Variants in NRXN2 observed in about 807,000 individuals in gnomAD.
The protein encoded by NRXN2 is neurexin-2-beta.
In NRXN2, 29 loss-of-function variants were observed where a neutral mutation model predicts 128.8. That is an observed-to-expected ratio of 0.23 (90% CI 0.17 to 0.31). NRXN2 has a LOEUF of 0.31. Among genes scored for constraint, NRXN2 ranks in the 10% least tolerant of loss-of-function variants. The pLI is 1.00. For missense variants in NRXN2, 1,881 were observed against 2,452.6 expected (o/e 0.77, Z 4.92); for synonymous variants, 1,098 against 1,075.2 (o/e 1.02, Z -0.41).
rs181595619 is a variant in NRXN2, at chr11:64,618,212, T to C, written c.4252+2082A>G. Among the ~76,000 whole-genome samples, 333 of 152,304 alleles carry C rather than the reference T, an allele frequency of 2.2e-3. 1 individual carries two copies. Among genetic ancestry groups the C allele is most frequent in the African/African-American group, 7.8e-3 (323 of 41,572 alleles). On this transcript the variant is annotated intron_variant, in intron 22 of 22. Coordinates refer to ENST00000265459, the MANE Select transcript of NRXN2 (RefSeq NM_015080.4). The stretch of plus-strand genomic sequence containing the variant: ...CCATTCAGCATCAGACCCAGGCCCC[T>C]GACTAGACTCCAAGACAGGGCTGGG...
In NRXN2 at chr11:64,648,997, T is replaced by G; in HGVS notation, c.3110-90A>C. ...TGGCTGTCAGGTCCTCCCAGCCTTCTCAGGTTCTCTGCGTTCCATCCCAGA... is the reference window on the plus strand; with the variant it reads ...TGGCTGTCAGGTCCTCCCAGCCTTCGCAGGTTCTCTGCGTTCCATCCCAGA... On this transcript the variant is annotated intron_variant, in intron 15 of 22. Coordinates refer to ENST00000265459, the MANE Select transcript of NRXN2 (RefSeq NM_015080.4). The surrounding 1 kb of genome is among the most constrained non-coding windows in gnomAD (Gnocchi z 4.1). The G allele has an allele frequency of 1.5e-6, 2 of 1,373,554 alleles. No homozygotes were observed. Among genetic ancestry groups the G allele is most frequent in the Non-Finnish European group, 2.1e-6 (2 of 968,638 alleles). 85.1% of individuals were successfully genotyped at this position (1,373,554 alleles called of 1,614,324 possible).
In NRXN2 at chr11:64,648,259, G is replaced by T; in HGVS notation, c.3363C>A (p.Asp1121Glu). The T allele has an allele frequency of 6.2e-7, 1 of 1,614,246 alleles. No homozygotes were observed. Among genetic ancestry groups the T allele is most frequent in the East Asian group, 2.2e-5 (1 of 44,880 alleles). The change falls in exon 17 of 23, where the codon GAC (aspartate) becomes GAA (glutamate). Residue 1121 changes from aspartate (D) to glutamate (E), a missense_variant. By Grantham distance (45) the Asp-to-Glu change is conservative. Coordinates refer to ENST00000265459, the MANE Select transcript of NRXN2 (RefSeq NM_015080.4). This position sits in a 1 kb window ranked among gnomAD's most constrained non-coding sequence, Gnocchi z 4.1. ...CLQQWDGFTC[D>E]CTMTSYGGPV... ...GGCCTCCATAGGAAGTCATGGTGCA[G>T]TCGCAGGTGAAGCCATCCCACTGCT...
intron 2 of NRXN2, among the ~76,000 whole-genome samples, chr11:64,707,566 A>T (rs1356025539): frequency 1.3e-5 from 2 of 152,136 alleles, no homozygotes; most frequent in Non-Finnish European, 2.9e-5. Context: ...TTTTTTTGCT[A>T]CTATGTATTG....
intron 1 of NRXN2, among the ~76,000 whole-genome samples, chr11:64,715,980 G>A (rs2057292785): frequency 6.6e-6 from 1 of 152,152 alleles, no homozygotes; most frequent in Non-Finnish European, 1.5e-5. Context: ...GGCTCCTCAG[G>A]CATGGGGGGA....
At position 64,620,452 on chromosome 11, in the gene NRXN2, G is replaced by A. The variant is rs942815498; in HGVS notation, c.4174-80C>T. ...CCCACAGCTGCCACTTGAGGTGCAC[G>A]GTGGCACGGGGGATGCCCCTGGGCT... is the stretch of plus-strand genomic sequence containing the variant. On this transcript the variant is annotated intron_variant, in intron 21 of 22. Transcript: ENST00000265459. 18 of 1,098,952 alleles carry A rather than the reference G, an allele frequency of 1.6e-5. No homozygotes were observed. The Middle Eastern group carries it at 5.9e-4, about 36-fold the overall frequency. The allele number at this position is 1,098,952 out of a possible 1,614,324, so 68.1% of individuals were successfully genotyped here.
At chr11:64,629,004 G>A (rs558708124) in intron 19 of NRXN2, among the ~76,000 whole-genome samples, 18 of 152,306 alleles carry the variant, frequency 1.2e-4, no homozygotes, top group Admixed American at 8.5e-4. Context: ...GGCCACGCAG[G>A]CCTCTTTATC....
At chr11:64,697,688 A>G in intron 3 of NRXN2, 87 bp downstream of exon 3, 1 of 1,486,154 alleles carries the variant, frequency 6.7e-7, no homozygotes, top group Non-Finnish European at 9.4e-7. Flanking sequence ...CAGGAAAGGG[A>G]GTCCTTGGGT....
Position 64,711,554 on chromosome 11 carries a change from AC to A in NRXN2, c.730+1415del, listed in dbSNP as rs529159122. Among the ~76,000 whole-genome samples the A allele has an allele frequency of 2.5e-3, 374 of 150,446 alleles. 2 individuals are homozygous for A. The highest frequency in any genetic ancestry group is 3.8e-3 in the Non-Finnish European group (256 of 67,526). On this transcript the variant is annotated intron_variant, in intron 2 of 22. Transcript: ENST00000265459. Reference sequence around the variant, plus strand: ...GCCCAGGACCCGCCCGCACTTCACCACTTCACGGTCTTGGCCAGACTCTCGG... The same window carrying A: ...GCCCAGGACCCGCCCGCACTTCACCATTCACGGTCTTGGCCAGACTCTCGG...
chr11:64,641,321 A>C (rs910995642), intron 17 of NRXN2, among the ~76,000 whole-genome samples: 8 of 152,058 alleles, frequency 5.3e-5, no homozygotes, highest in Non-Finnish European at 1.2e-4. Flanking sequence ...CTACCCTCTG[A>C]AAGGTAATGA....
At position 64,692,861 on chromosome 11, in the gene NRXN2, G is replaced by A. The variant is rs539415834; in HGVS notation, c.764C>T (p.Thr255Met). 3.7e-6 allele frequency: 6 copies of A among 1,613,330 alleles called. No individual in the cohort carries two copies. Among genetic ancestry groups the A allele is most frequent in the Middle Eastern group, 1.6e-4 (1 of 6,062 alleles). Reference protein sequence around the residue: ...EHPMEGPAHLTLNSEVGSLLF... With the variant: ...EHPMEGPAHLMLNSEVGSLLF... ...TCAAACCATACCTTCGCTGTTTAACGTCAGGTGAGCCGGACCTTGGAAAGG... is the reference window on the plus strand; with the variant it reads ...TCAAACCATACCTTCGCTGTTTAACATCAGGTGAGCCGGACCTTGGAAAGG... The change falls in exon 4 of 23, where the codon ACG becomes ATG. Residue 255 changes from threonine (T) to methionine (M), a missense_variant. Thr to Met is a moderately conservative substitution (Grantham distance 81). Around this residue, in one of 7 missense-constraint regions of NRXN2, gnomAD observed 997 missense variants for 1,240.8 expected, o/e 0.80. Transcript: ENST00000265459.
At chr11:64,677,137 A>C (rs1194295402) in intron 6 of NRXN2, 100 bp from the exon 7 acceptor site, 36 of 805,594 alleles carry the variant, frequency 4.5e-5, no homozygotes, top group Non-Finnish European at 6.3e-5. Flanking sequence ...GAAAAATAAA[A>C]TGACCAACTG....
chr11:64,662,272 G>A (rs925403442), intron 9 of NRXN2, among the ~76,000 whole-genome samples: 10 of 151,012 alleles, frequency 6.6e-5, no homozygotes, highest in Non-Finnish European at 1.5e-4. Context: ...AAGAAGAAGA[G>A]AAGAAGGGAG....
At chr11:64,609,804 G>A (rs1468220939) in intron 22 of NRXN2, among the ~76,000 whole-genome samples, 4 of 152,216 alleles carry the variant, frequency 2.6e-5, no homozygotes, top group Admixed American at 2.0e-4. Flanking sequence ...CACAGCCTAA[G>A]CCCTGCCCAC....
In NRXN2 at chr11:64,608,022, G is replaced by A; in HGVS notation, c.4313C>T (p.Thr1438Ile). 1 of 1,558,574 alleles carries A rather than the reference G, an allele frequency of 6.4e-7. No homozygotes were observed. Among genetic ancestry groups the A allele is most frequent in the Non-Finnish European group, 8.7e-7 (1 of 1,155,056 alleles). The change falls in exon 23 of 23, where the codon ACC becomes ATC. Residue 1438 changes from threonine (T) to isoleucine (I), a missense_variant. Physicochemically the swap from Thr to Ile is moderately conservative, Grantham distance 89 (BLOSUM62 -1). Transcript: ENST00000265459. ...GGGCGGGGGCACGAAGGGGGATCGGGTGGCCACGGGAGGGGGGTCTAAGGA... is the reference window on the plus strand; with the variant it reads ...GGGCGGGGGCACGAAGGGGGATCGGATGGCCACGGGAGGGGGGTCTAAGGA... ...EDSLDPPPVA[T>I]RSPFVPPPPT...
At chr11:64,644,574 G>A (rs532057716) in intron 17 of NRXN2, among the ~76,000 whole-genome samples, 1 of 152,300 alleles carries the variant, frequency 6.6e-6, no homozygotes, top group East Asian at 1.9e-4. Flanking sequence ...AGCACCTGTG[G>A]CCCCAGAGGT....
At chr11:64,666,250 G>A (rs1169143060) in intron 9 of NRXN2, among the ~76,000 whole-genome samples, 1 of 149,048 alleles carries the variant, frequency 6.7e-6, no homozygotes, top group Admixed American at 6.7e-5. Flanking sequence ...CGCCCAGGCT[G>A]GAGTGCAATG....
At chr11:64,701,475 G>A (rs186974760) in intron 2 of NRXN2, among the ~76,000 whole-genome samples, 3 of 152,248 alleles carry the variant, frequency 2.0e-5, no homozygotes, top group African/African-American at 4.8e-5. Flanking sequence ...ACAATGGTTC[G>A]CGCCTATAAT....
chr11:64,660,670 A>G lies in NRXN2; in HGVS notation c.2185+83T>C. The G allele has an allele frequency of 2.5e-6, 4 of 1,598,974 alleles. No individual in the cohort carries two copies. The South Asian group carries it at 4.4e-5, about 18-fold the overall frequency. ...GGGTTCCCCTAGGAGGAGGTGGCACAGGGATGGAAAGTAGGAGTCACCCTG... is the reference window on the plus strand; with the variant it reads ...GGGTTCCCCTAGGAGGAGGTGGCACGGGGATGGAAAGTAGGAGTCACCCTG... On this transcript the variant is annotated intron_variant, in intron 10 of 22. Transcript: ENST00000265459. This position sits in a 1 kb window ranked among gnomAD's most constrained non-coding sequence, Gnocchi z 5.2.
intron 19 of NRXN2, among the ~76,000 whole-genome samples, chr11:64,629,719 C>T (rs2043590834): frequency 6.6e-6 from 1 of 152,180 alleles, no homozygotes; most frequent in Admixed American, 6.5e-5. Context: ...CTAGCACAAG[C>T]CCTGATATCT....
Sources: gnomAD v4.1 joint callset for allele counts (sites outside exome capture counted in the v4.1 genomes callset) on GRCh38, gnomAD v4.1.1 for gene constraint, gnomAD v4.1.1 regional missense constraint, Gnocchi (gnomAD v3.1) non-coding constraint, MANE v1.5 for transcripts, NCBI Gene and HGNC (gene_info 2026-07-23, HGNC 2026-07-21) for gene names.